Variants in ADGRV1 observed in about 807,000 individuals in gnomAD.
The protein encoded by ADGRV1 is G-protein coupled receptor 98.
A neutral mutation model predicts 596.2 loss-of-function variants in ADGRV1; 359 were observed. The ratio of observed to expected loss-of-function variants is 0.60; its 90% CI spans 0.55 to 0.66. The LOEUF (loss-of-function observed/expected upper bound fraction) is 0.66, where lower values mean the gene tolerates loss of function less well. Among genes scored for constraint, ADGRV1 ranks in the 30% least tolerant of loss-of-function variants. ADGRV1 has a pLI of 0.00. For missense variants in ADGRV1, 7,274 were observed against 7,575.6 expected (o/e 0.96, Z 1.48); for synonymous variants, 2,681 against 2,679.2 (o/e 1.00, Z -0.02).
chr5:90,668,029 C>T (rs546902297), intron 21 of ADGRV1, among the ~76,000 whole-genome samples: 26 of 152,024 alleles, frequency 1.7e-4, no homozygotes, highest in African/African-American at 6.0e-4. Flanking sequence ...CAGACAGGGA[C>T]ATTTAAGTCT....
chr5:90,849,035 T>G (rs1356876208), intron 79 of ADGRV1, among the ~76,000 whole-genome samples: 1 of 152,194 alleles, frequency 6.6e-6, no homozygotes, highest in African/African-American at 2.4e-5. Context: ...ATATTCCACT[T>G]ATTTTGAAGT....
chr5:91,033,019 T>TAA (rs1274191520), intron 85 of ADGRV1, among the ~76,000 whole-genome samples: 1 of 152,190 alleles, frequency 6.6e-6, no homozygotes, highest in African/African-American at 2.4e-5. Flanking sequence ...AGAGCCCTGT[T>TAA]AGTTAGTGGG....
At chr5:90,720,868 G>A in intron 44 of ADGRV1, 67 bp from the exon 45 acceptor site, 3 of 1,310,204 alleles carry the variant, frequency 2.3e-6, no homozygotes, top group Non-Finnish European at 3.2e-6. Context: ...CTAGCAATAT[G>A]ATATATATTT....
chr5:90,823,042 G>A (rs1581236195), intron 75 of ADGRV1, among the ~76,000 whole-genome samples: 1 of 152,140 alleles, frequency 6.6e-6, no homozygotes, highest in Admixed American at 6.5e-5. Flanking sequence ...GAGATGATGG[G>A]GTTTTCTAAA....
At position 90,781,416 on chromosome 5, in the gene ADGRV1, T is replaced by A; in HGVS notation, c.13083-14T>A. 6.4e-7 allele frequency: 1 copy of A among 1,574,048 alleles called. No individual in the cohort carries two copies. Among genetic ancestry groups the A allele is most frequent in the Non-Finnish European group, 8.7e-7 (1 of 1,150,776 alleles). On this transcript the variant is annotated splice_polypyrimidine_tract_variant and intron_variant, in intron 64 of 89. Transcript: ENST00000405460. ...TTGTATTTTATTTTATTTTGATTTG[T>A]ATGACTTTGGAAGAGGGTATGATTT... is the stretch of plus-strand genomic sequence containing the variant.
chr5:90,810,679 C>T lies in ADGRV1; in HGVS notation c.15419C>T (p.Thr5140Ile). ...GGAATGGATATTTCCTTCCCCGAGA[C>T]AACTGTGGCTGTAGCAGTTGACACA... is the stretch of plus-strand genomic sequence containing the variant. ...LAGMDISFPE[T>I]TVAVAVDTTL... The change falls in exon 74 of 90, where the codon ACA becomes ATA. Residue 5140 changes from threonine (T) to isoleucine (I), a missense_variant. Coordinates refer to ENST00000405460, the MANE Select transcript of ADGRV1 (RefSeq NM_032119.4). 1 of 1,613,920 alleles carries T rather than the reference C, an allele frequency of 6.2e-7. No individual in the cohort carries two copies. Among genetic ancestry groups the T allele is most frequent in the Non-Finnish European group, 8.5e-7 (1 of 1,179,872 alleles).
At chr5:91,046,687 GC>G (rs1785847191) in intron 85 of ADGRV1, among the ~76,000 whole-genome samples, 1 of 152,278 alleles carries the variant, frequency 6.6e-6, no homozygotes, top group Non-Finnish European at 1.5e-5. Flanking sequence ...AAACTAAAGA[GC>G]TTTTGCATGG....
chr5:90,578,344 G>A (rs1757512962), intron 1 of ADGRV1, among the ~76,000 whole-genome samples: 1 of 152,164 alleles, frequency 6.6e-6, no homozygotes, highest in Non-Finnish European at 1.5e-5. Flanking sequence ...TTTGTTGAAG[G>A]CCTTTTCTGC....
chr5:90,758,356 C>A (rs1032912765), intron 57 of ADGRV1, among the ~76,000 whole-genome samples: 13 of 151,996 alleles, frequency 8.6e-5, no homozygotes, highest in Non-Finnish European at 1.8e-4. Flanking sequence ...AACAAAAAAC[C>A]GGAATGCAAG....
In ADGRV1 at chr5:90,776,553, A is replaced by C. The variant is rs1758257894; in HGVS notation, c.12504A>C (p.Lys4168Asn). The C allele has an allele frequency of 6.2e-7, 1 of 1,613,362 alleles. No individual in the cohort carries two copies. Among genetic ancestry groups the C allele is most frequent in the African/African-American group, 1.3e-5 (1 of 74,990 alleles). ...TCCTCATTGGGGAACCCTCAGCAAA[A>C]TATAATGGTACCGCTATTATCAGGT... is the stretch of plus-strand genomic sequence containing the variant. ...RHILIGEPSAKYNGTAIISLV... is the reference protein window; with the variant it reads ...RHILIGEPSANYNGTAIISLV... Residue 4168 changes from lysine to asparagine, a missense_variant, in exon 61 of 90, where the codon AAA becomes AAC. Coordinates refer to ENST00000405460, the MANE Select transcript of ADGRV1 (RefSeq NM_032119.4).
intron 1 of ADGRV1, among the ~76,000 whole-genome samples, chr5:90,596,136 C>T (rs1203621439): frequency 2.7e-5 from 4 of 147,592 alleles, no homozygotes; most frequent in Non-Finnish European, 6.0e-5. Context: ...CAGAGGCGCT[C>T]CTCACATCCC....
At chr5:90,996,919 G>T (rs981950268) in intron 85 of ADGRV1, among the ~76,000 whole-genome samples, 5 of 152,166 alleles carry the variant, frequency 3.3e-5, no homozygotes, top group Non-Finnish European at 5.9e-5. Flanking sequence ...TAGTCCCTTT[G>T]TTTTGGCCAA....
rs767150400 is a variant in ADGRV1 at position 90,627,205 on chromosome 5, T to A, written c.673-6T>A. ...TGTTTTGCCTCTGTTTATATTCCTTTAACAGGTACCAGAAAATGATGAAAT... is the reference window on the plus strand; with the variant it reads ...TGTTTTGCCTCTGTTTATATTCCTTAAACAGGTACCAGAAAATGATGAAAT... On this transcript the variant is annotated splice_region_variant and splice_polypyrimidine_tract_variant and intron_variant, in intron 6 of 89. Transcript: ENST00000405460. 5 of 1,492,952 alleles carry A rather than the reference T, an allele frequency of 3.3e-6. No individual in the cohort carries two copies. The highest frequency in any genetic ancestry group is 4.5e-6 in the Non-Finnish European group (5 of 1,118,014). The allele number at this position is 1,492,952 out of a possible 1,614,324, so 92.5% of individuals were successfully genotyped here. A position where few individuals can be genotyped will look rare whatever the true frequency, so the allele number is the denominator to read the frequency against.
chr5:90,792,300 G>A (rs555063511), intron 70 of ADGRV1: 4 of 152,218 alleles, frequency 2.6e-5, no homozygotes, highest in Non-Finnish European at 5.9e-5. Context: ...TATTCAGCCA[G>A]TGTCAGCTTA....
chr5:90,704,378 G>A lies in ADGRV1; in HGVS notation c.8287-11G>A. 2 of 1,516,998 alleles carry A rather than the reference G, an allele frequency of 1.3e-6. No individual in the cohort carries two copies. The highest frequency in any genetic ancestry group is 9.0e-7 in the Non-Finnish European group (1 of 1,113,804). 94.0% of individuals were successfully genotyped at this position (1,516,998 alleles called of 1,614,324 possible). ...ACGACAGCGGGATTGATTTCTTTCTGTATGACATAGGGGTCGTTGAATACA... is the reference window on the plus strand; with the variant it reads ...ACGACAGCGGGATTGATTTCTTTCTATATGACATAGGGGTCGTTGAATACA... On this transcript the variant is annotated splice_polypyrimidine_tract_variant and intron_variant, in intron 35 of 89. Coordinates refer to ENST00000405460, the MANE Select transcript of ADGRV1 (RefSeq NM_032119.4).
intron 20 of ADGRV1, among the ~76,000 whole-genome samples, chr5:90,656,380 AG>A (rs1244275860): frequency 2.6e-5 from 4 of 152,232 alleles, no homozygotes; most frequent in African/African-American, 9.6e-5. Context: ...CTCCTAGGTC[AG>A]TATTCCTTTT....
chr5:90,568,481 T>A (rs989713364), intron 1 of ADGRV1, among the ~76,000 whole-genome samples: 2 of 152,200 alleles, frequency 1.3e-5, no homozygotes, highest in Non-Finnish European at 2.9e-5. Flanking sequence ...GAATATACTT[T>A]GTATGATTAA....
intron 34 of ADGRV1, among the ~76,000 whole-genome samples, chr5:90,698,719 A>G (rs867070112): frequency 3.9e-5 from 6 of 152,026 alleles, no homozygotes; most frequent in Non-Finnish European, 7.4e-5. Flanking sequence ...TGGACAGAGG[A>G]AAAAAAAGCA....
chr5:90,859,917 A>G (rs1767381326), intron 82 of ADGRV1, among the ~76,000 whole-genome samples: 2 of 145,396 alleles, frequency 1.4e-5, no homozygotes, highest in South Asian at 4.4e-4. Context: ...CTGTCTGTAC[A>G]AAAAGTAAAA....
Sources: allele counts gnomAD v4.1 joint callset (sites outside exome capture counted in the v4.1 genomes callset), GRCh38; gene constraint gnomAD v4.1.1; transcripts MANE v1.5; gene names NCBI Gene and HGNC (gene_info 2026-07-23, HGNC 2026-07-21).